The following ITSN1 variants were observed in gnomAD, a reference collection of about 807,000 sequenced individuals.
The protein encoded by ITSN1 is intersectin-1.
A neutral mutation model predicts 239.8 loss-of-function variants in ITSN1; 58 were observed. The observed-to-expected ratio is 0.24, with a 90% CI of 0.20 to 0.30. The LOEUF (loss-of-function observed/expected upper bound fraction) is 0.30. ITSN1 is among the 10% of genes least tolerant of loss of function. The pLI is 1.00. For synonymous variants in ITSN1, 780 were observed against 770.8 expected (o/e 1.01, Z -0.20); for missense variants, 1,558 against 2,103.3 (o/e 0.74, Z 5.07).
chr21:33,760,923 G>A (rs1009100735), intron 8 of ITSN1, among the ~76,000 whole-genome samples: 1 of 151,948 alleles, frequency 6.6e-6, no homozygotes, highest in African/African-American at 2.4e-5. Flanking sequence ...GTCTCCTACT[G>A]TGCGTTTGTC....
intron 19 of ITSN1, among the ~76,000 whole-genome samples, chr21:33,800,597 G>A (rs2071917589): frequency 6.6e-6 from 1 of 151,922 alleles, no homozygotes; most frequent in African/African-American, 2.4e-5. Context: ...TTAGAATTTT[G>A]CTTTGTTATT....
At chr21:33,679,698 C>CTTTTTTTTT (rs34301203) in intron 1 of ITSN1, among the ~76,000 whole-genome samples, 21 of 86,316 alleles carry the variant, frequency 2.4e-4, no homozygotes, top group Non-Finnish European at 2.9e-4. Context: ...GATCCTTATC[C>CTTTTTTTTT]TTTTTTTTTT....
At position 33,898,838 on chromosome 21, in the gene ITSN1, G is replaced by A. The variant is rs1047425217; in HGVS notation, c.*10538G>A. 1 of 152,252 alleles carries A rather than the reference G, an allele frequency of 6.6e-6. No individual in the cohort carries two copies. Among genetic ancestry groups the A allele is most frequent in the African/African-American group, 2.4e-5 (1 of 41,462 alleles). 9.4% of individuals were successfully genotyped at this position (152,252 alleles called of 1,614,324 possible). On this transcript the variant is annotated 3_prime_UTR_variant, in exon 40 of 40. Coordinates refer to ENST00000381318, the MANE Select transcript of ITSN1 (RefSeq NM_003024.3). ...AGAGGCCCGAACCAGTAAAGCTGCT[G>A]ACTTCAGGAGTATGGGAAGCTGTGA...
In ITSN1 at chr21:33,890,855, C is replaced by T. The variant is rs1986315185; in HGVS notation, c.*2555C>T. ...CTGCATCCCGGCATCCTGATCCCAG[C>T]CTTTTAGACACCCCTGCAAGCGTTC... On this transcript the variant is annotated 3_prime_UTR_variant, in exon 40 of 40. Transcript: ENST00000381318. 1 of 152,598 alleles carries T rather than the reference C, an allele frequency of 6.6e-6. No homozygotes were observed. The highest frequency in any genetic ancestry group is 6.5e-5 in the Admixed American group (1 of 15,294). 9.5% of individuals were successfully genotyped at this position (152,598 alleles called of 1,614,324 possible).
intron 1 of ITSN1, among the ~76,000 whole-genome samples, chr21:33,652,986 ACTGGGAAGTT>A (rs1161686213): frequency 6.6e-6 from 1 of 150,464 alleles, no homozygotes; most frequent in Admixed American, 6.6e-5. Context: ...AAGTACTGTG[ACTGGGAAGTT>A]CTTTTTTTTT....
chr21:33,873,088 A>G (rs1031668268), intron 33 of ITSN1, among the ~76,000 whole-genome samples: 1 of 152,214 alleles, frequency 6.6e-6, no homozygotes, highest in Admixed American at 6.5e-5. Flanking sequence ...TGATTTAGTC[A>G]TGGATGAGGC....
intron 1 of ITSN1, among the ~76,000 whole-genome samples, chr21:33,645,531 C>T (rs886623135): frequency 3.3e-5 from 5 of 152,060 alleles, no homozygotes; most frequent in African/African-American, 1.2e-4. Context: ...ATATTCCCAG[C>T]TTTTCTAGAG....
chr21:33,749,044 T>C (rs2067373500), intron 5 of ITSN1, among the ~76,000 whole-genome samples: 3 of 151,494 alleles, frequency 2.0e-5, no homozygotes, highest in Non-Finnish European at 4.4e-5. Context: ...GCTGGAGTAC[T>C]GCGGTGTGAT....
Position 33,774,854 on chromosome 21 carries a change from T to G in ITSN1, c.1431T>G (p.Thr477=), listed in dbSNP as rs777697328. 2.5e-6 allele frequency: 4 copies of G among 1,612,080 alleles called. No homozygotes were observed. The East Asian group carries it at 8.9e-5, about 36-fold the overall frequency. ...DIVVLKAKKK[T]LEFELEALND... The stretch of plus-strand genomic sequence containing the variant: ...TTGTACTGAAAGCAAAGAAAAAGAC[T>G]TTGGAATTTGAATTAGAAGCTCTAG... Residue 477 remains threonine (T), a synonymous_variant, in exon 13 of 40, where the codon ACT becomes ACG. Transcript: ENST00000381318.
At chr21:33,712,202 A>C (rs1365868238) in intron 1 of ITSN1, among the ~76,000 whole-genome samples, 2 of 151,534 alleles carry the variant, frequency 1.3e-5, no homozygotes, top group Non-Finnish European at 2.9e-5. Flanking sequence ...TTTTTTTTTA[A>C]GAATTTGTCA....
chr21:33,652,035 GAA>G (rs1491396170), intron 1 of ITSN1, among the ~76,000 whole-genome samples: 14 of 152,116 alleles, frequency 9.2e-5, no homozygotes, highest in African/African-American at 3.4e-4. Context: ...CATATATAAG[GAA>G]AGAAGACTAA....
chr21:33,850,587 A>G (rs1374040652), intron 29 of ITSN1, among the ~76,000 whole-genome samples: 1 of 152,142 alleles, frequency 6.6e-6, no homozygotes, highest in Admixed American at 6.5e-5. Flanking sequence ...AAGGACAAGG[A>G]CCCGGACTGC....
At chr21:33,743,738 T>C (rs1047523902) in intron 5 of ITSN1, among the ~76,000 whole-genome samples, 2 of 152,202 alleles carry the variant, frequency 1.3e-5, no homozygotes, top group Non-Finnish European at 2.9e-5. Flanking sequence ...AGAAATTATT[T>C]AGACATGTAG....
chr21:33,789,234 A>G (rs1602244431), intron 16 of ITSN1, among the ~76,000 whole-genome samples: 2 of 152,324 alleles, frequency 1.3e-5, no homozygotes, highest in East Asian at 3.9e-4. Context: ...GTGAGAAATA[A>G]TGTTTATTTA....
At chr21:33,779,385 C>G (rs1202736542) in intron 14 of ITSN1, among the ~76,000 whole-genome samples, 1 of 152,112 alleles carries the variant, frequency 6.6e-6, no homozygotes, top group Non-Finnish European at 1.5e-5. Flanking sequence ...CATATTTATT[C>G]AATTCAAAAT....
chr21:33,647,432 A>AT (rs2088069902), intron 1 of ITSN1, among the ~76,000 whole-genome samples: 1 of 151,620 alleles, frequency 6.6e-6, no homozygotes, highest in Non-Finnish European at 1.5e-5. Context: ...CTATATATAT[A>AT]TTGCATTATA....
chr21:33,801,556 A>G (rs2072004469), intron 19 of ITSN1, among the ~76,000 whole-genome samples: 1 of 152,060 alleles, frequency 6.6e-6, no homozygotes. Flanking sequence ...TCCACCTCCC[A>G]GGCTCAAGTG....
At chr21:33,725,090 T>C (rs1168035436) in intron 4 of ITSN1, among the ~76,000 whole-genome samples, 2 of 148,008 alleles carry the variant, frequency 1.4e-5, no homozygotes, top group Non-Finnish European at 3.0e-5. Flanking sequence ...GGCAATATAA[T>C]GAGCCCTCAT....
chr21:33,699,245 A>G (rs181218330), intron 1 of ITSN1, among the ~76,000 whole-genome samples: 133 of 152,248 alleles, frequency 8.7e-4, no homozygotes, highest in Middle Eastern at 3.4e-3. Flanking sequence ...TCTATATCTT[A>G]CTATCCTATA....
Sources: allele counts gnomAD v4.1 joint callset (sites outside exome capture counted in the v4.1 genomes callset), GRCh38; gene constraint gnomAD v4.1.1; transcripts MANE v1.5; gene names NCBI Gene and HGNC (gene_info 2026-07-23, HGNC 2026-07-21).